The following AGAP1 variants were observed in gnomAD, a reference collection of about 807,000 sequenced individuals.
AGAP1 encodes arf-GAP with GTPase, ANK repeat and PH domain-containing protein 1.
Under a neutral mutation model 105.3 loss-of-function variants are expected in AGAP1, and 29 were observed. That is an observed-to-expected ratio of 0.28 (90% CI 0.21 to 0.38). The LOEUF (loss-of-function observed/expected upper bound fraction) is 0.38. Among genes scored for constraint, AGAP1 ranks in the 10% least tolerant of loss-of-function variants. The pLI is 1.00. For synonymous variants in AGAP1, 509 were observed against 485.9 expected (o/e 1.05, Z -0.63); for missense variants, 998 against 1,165.1 (o/e 0.86, Z 2.09).
In AGAP1 at chr2:235,553,591, G is replaced by A. The variant is rs1304893786; in HGVS notation, c.163+58742G>A. Among the ~76,000 whole-genome samples the A allele has an allele frequency of 3.3e-5, 5 of 152,022 alleles. No homozygotes were observed. Among genetic ancestry groups the A allele is most frequent in the Non-Finnish European group, 7.4e-5 (5 of 68,018 alleles). ...TCTGGCCTGTTGGCTCACATTTGGG[G>A]GTGTGGCATTTGTGCGTGAAGTGGA... On this transcript the variant is annotated intron_variant, in intron 1 of 17. Transcript: ENST00000304032. This position sits in a 1 kb window ranked among gnomAD's most constrained non-coding sequence, Gnocchi z 4.5.
At position 235,709,148 on chromosome 2, in the gene AGAP1, G is replaced by T. The variant is rs776633349; in HGVS notation, c.164-31G>T. Reference sequence around the variant, plus strand: ...TGACTTGGCCTTTACGTGAGTTATGGTGTCTGACTTTGTGTCCTCCTCTTT... The same window carrying T: ...TGACTTGGCCTTTACGTGAGTTATGTTGTCTGACTTTGTGTCCTCCTCTTT... On this transcript the variant is annotated intron_variant, in intron 1 of 17. Transcript: ENST00000304032. The T allele has an allele frequency of 3.1e-6, 5 of 1,612,030 alleles. No homozygotes were observed. In the Admixed American group the frequency reaches 6.7e-5, roughly 21 times the overall value.
chr2:235,670,774 C>A, intron 1 of AGAP1: 1 of 1,181,952 alleles, frequency 8.5e-7, no homozygotes, highest in Non-Finnish European at 1.2e-6. Context: ...CGCTCTCGGA[C>A]CTGGAGCGTT....
intron 1 of AGAP1, among the ~76,000 whole-genome samples, chr2:235,515,889 G>T (rs536203143): frequency 6.6e-6 from 1 of 152,154 alleles, no homozygotes; most frequent in Non-Finnish European, 1.5e-5. Flanking sequence ...GATATTTAAG[G>T]GGGTGAGGGG....
chr2:235,645,199 G>A (rs1191405480), intron 1 of AGAP1, among the ~76,000 whole-genome samples: 1 of 152,084 alleles, frequency 6.6e-6, no homozygotes, highest in African/African-American at 2.4e-5. Context: ...CCCGGCCAAG[G>A]TGTAAGAGTT....
intron 6 of AGAP1, among the ~76,000 whole-genome samples, chr2:235,779,929 G>A (rs1003121245): frequency 6.6e-5 from 10 of 152,198 alleles, no homozygotes; most frequent in African/African-American, 2.4e-5. Flanking sequence ...TGGAATGTAC[G>A]CTGCAAAGTT....
intron 1 of AGAP1, among the ~76,000 whole-genome samples, chr2:235,584,902 C>CTTTTTTTTTTTTTTTTTTTTTT: frequency 1.0e-5 from 1 of 98,536 alleles, no homozygotes; most frequent in Non-Finnish European, 1.8e-5. Flanking sequence ...AAGTCATTAC[C>CTTTTTTTTTTTTTTTTTTTTTT]TTTTTTTTTT....
At position 235,769,392 on chromosome 2, in the gene AGAP1, T is replaced by C. The variant is rs1955236377; in HGVS notation, c.673+18904T>C. ...AAGGTTTGCGTGGTCTTCACTCTTT[T>C]GCAGAAAATTGTTGGCATTGCATCA... On this transcript the variant is annotated intron_variant, in intron 6 of 17. Coordinates refer to ENST00000304032, the MANE Select transcript of AGAP1 (RefSeq NM_001037131.3). This position sits in a 1 kb window ranked among gnomAD's most constrained non-coding sequence, Gnocchi z 4.4. Among the ~76,000 whole-genome samples the C allele has an allele frequency of 6.6e-6, 1 of 152,240 alleles. No homozygotes were observed. The highest frequency in any genetic ancestry group is 2.4e-5 in the African/African-American group (1 of 41,470).
At chr2:235,859,713 T>C (rs912843332) in intron 9 of AGAP1, among the ~76,000 whole-genome samples, 1 of 152,176 alleles carries the variant, frequency 6.6e-6, no homozygotes, top group Non-Finnish European at 1.5e-5. Flanking sequence ...TTTCAACCTT[T>C]GAAGGAAAAA....
At chr2:235,686,288 C>T (rs751270347) in intron 1 of AGAP1, among the ~76,000 whole-genome samples, 6 of 151,874 alleles carry the variant, frequency 4.0e-5, no homozygotes, top group Non-Finnish European at 5.9e-5. Flanking sequence ...GTCAGATGGG[C>T]GATAGGAATG....
In AGAP1 at chr2:235,971,740, A is replaced by G. The variant is rs868749252; in HGVS notation, c.1645+3117A>G. Reference sequence around the variant, plus strand: ...AACTAAAGCTAGTTATATATGTTTTATTTTATTTATTTATTTATTTATTTA... The same window carrying G: ...AACTAAAGCTAGTTATATATGTTTTGTTTTATTTATTTATTTATTTATTTA... On this transcript the variant is annotated intron_variant, in intron 13 of 17. Transcript: ENST00000304032. This position sits in a 1 kb window ranked among gnomAD's most constrained non-coding sequence, Gnocchi z 4.8. Among the ~76,000 whole-genome samples the G allele has an allele frequency of 0.038, 5,218 of 136,142 alleles. 300 individuals are homozygous for G. The highest frequency in any genetic ancestry group is 0.16 in the African/African-American group (4,925 of 31,064). 89.3% of individuals were successfully genotyped at this position (136,142 alleles called of 152,430 possible).
At position 235,993,044 on chromosome 2, in the gene AGAP1, A is replaced by G. The variant is rs1012569051; in HGVS notation, c.1645+24421A>G. ...ACGTTACAAAAAACCAGTTTAAGACATGGACTTTTTTCATATGTACATCTG... is the reference window on the plus strand; with the variant it reads ...ACGTTACAAAAAACCAGTTTAAGACGTGGACTTTTTTCATATGTACATCTG... On this transcript the variant is annotated intron_variant, in intron 13 of 17. Transcript: ENST00000304032. This position sits in a 1 kb window ranked among gnomAD's most constrained non-coding sequence, Gnocchi z 5.0. Among the ~76,000 whole-genome samples, 5 of 152,220 alleles carry G rather than the reference A, an allele frequency of 3.3e-5. No individual in the cohort carries two copies. Among genetic ancestry groups the G allele is most frequent in the Admixed American group, 6.5e-5 (1 of 15,288 alleles).
intron 6 of AGAP1, among the ~76,000 whole-genome samples, chr2:235,785,329 A>G (rs1219723239): frequency 1.3e-5 from 2 of 152,380 alleles, no homozygotes; most frequent in East Asian, 3.9e-4. Flanking sequence ...ATCTAAAAAT[A>G]GGAAGCAAAT....
In AGAP1 at chr2:235,737,312, G is replaced by A. The variant is rs974815090; in HGVS notation, c.311-3651G>A. Reference sequence around the variant, plus strand: ...CATGCAAATCAATTACCAGTATCTGGTGTTTGAAATTGTAAGATGCTGAAA... The same window carrying A: ...CATGCAAATCAATTACCAGTATCTGATGTTTGAAATTGTAAGATGCTGAAA... On this transcript the variant is annotated intron_variant, in intron 3 of 17. Transcript: ENST00000304032. This position sits in a 1 kb window ranked among gnomAD's most constrained non-coding sequence, Gnocchi z 4.5. 1.3e-5 allele frequency among the ~76,000 whole-genome samples: 2 copies of A among 152,208 alleles called. No individual in the cohort carries two copies. The highest frequency in any genetic ancestry group is 2.9e-5 in the Non-Finnish European group (2 of 68,040).
At position 235,874,036 on chromosome 2, in the gene AGAP1, G is replaced by T. The variant is rs112618849; in HGVS notation, c.1051-9309G>T. ...GAGCCATCACGCCCAGCCCAGAACC[G>T]CATTCTGTTTTTTGTTTTGTTTTGT... is the stretch of plus-strand genomic sequence containing the variant. On this transcript the variant is annotated intron_variant, in intron 9 of 17. Coordinates refer to ENST00000304032, the MANE Select transcript of AGAP1 (RefSeq NM_001037131.3). The surrounding 1 kb of genome is among the most constrained non-coding windows in gnomAD (Gnocchi z 4.5). Among the ~76,000 whole-genome samples, 4 of 150,452 alleles carry T rather than the reference G, an allele frequency of 2.7e-5. No individual in the cohort carries two copies. The highest frequency in any genetic ancestry group is 4.9e-5 in the African/African-American group (2 of 40,948).
rs1559711440 is a variant in AGAP1 at position 235,971,751 on chromosome 2, TTA to T, written c.1645+3130_1645+3131del. ...GTTATATATGTTTTATTTTATTTATTTATTTATTTATTTATTTATTTATTTAT... is the reference window on the plus strand; with the variant it reads ...GTTATATATGTTTTATTTTATTTATTTTTATTTATTTATTTATTTATTTAT... On this transcript the variant is annotated intron_variant, in intron 13 of 17. Coordinates refer to ENST00000304032, the MANE Select transcript of AGAP1 (RefSeq NM_001037131.3). This position sits in a 1 kb window ranked among gnomAD's most constrained non-coding sequence, Gnocchi z 4.8. Among the ~76,000 whole-genome samples the T allele has an allele frequency of 6.9e-6, 1 of 144,730 alleles. No individual in the cohort carries two copies. The highest frequency in any genetic ancestry group is 2.5e-5 in the African/African-American group (1 of 39,592). 94.9% of individuals were successfully genotyped at this position (144,730 alleles called of 152,430 possible). A position where few individuals can be genotyped will look rare whatever the true frequency, so the allele number is the denominator to read the frequency against.
chr2:235,603,235 C>T lies in AGAP1; in HGVS notation c.164-105944C>T, dbSNP rs1041522291. On this transcript the variant is annotated intron_variant, in intron 1 of 17. Coordinates refer to ENST00000304032, the MANE Select transcript of AGAP1 (RefSeq NM_001037131.3). ...CGGCTCTCGTCTCTCTCTTGCCTGC[C>T]GCCATGTAAGATGTGCCTTTCACCT... is the stretch of plus-strand genomic sequence containing the variant. Among the ~76,000 whole-genome samples the T allele has an allele frequency of 4.1e-4, 59 of 145,032 alleles. 1 individual carries two copies. Among genetic ancestry groups the T allele is most frequent in the African/African-American group, 1.0e-3 (42 of 40,058 alleles).
Position 235,739,498 on chromosome 2 carries a change from A to G in AGAP1, c.311-1465A>G, listed in dbSNP as rs1404106644. 1.3e-5 allele frequency among the ~76,000 whole-genome samples: 2 copies of G among 152,346 alleles called. No individual in the cohort carries two copies. The highest frequency in any genetic ancestry group is 6.5e-5 in the Admixed American group (1 of 15,302). ...AGCCTGACCATTTCCAGTGGGCCCT[A>G]CCGTCTTGTTTCAGTGACTGGGGGG... On this transcript the variant is annotated intron_variant, in intron 3 of 17. Transcript: ENST00000304032. The surrounding 1 kb of genome is among the most constrained non-coding windows in gnomAD (Gnocchi z 5.3).
intron 1 of AGAP1, among the ~76,000 whole-genome samples, chr2:235,530,776 C>T (rs1036285469): frequency 6.6e-5 from 10 of 152,192 alleles, no homozygotes; most frequent in African/African-American, 1.9e-4. Flanking sequence ...TTAATCACAG[C>T]GACAGTGCCT....
Position 235,665,685 on chromosome 2 carries a change from A to G in AGAP1, c.164-43494A>G, listed in dbSNP as rs747676162. On this transcript the variant is annotated intron_variant, in intron 1 of 17. Transcript: ENST00000304032. This position sits in a 1 kb window ranked among gnomAD's most constrained non-coding sequence, Gnocchi z 5.3. Reference sequence around the variant, plus strand: ...CTGTCAGTCAACTGGCTACCAGAAAATAGCCTTTGATGTACCCACGGAGGG... The same window carrying G: ...CTGTCAGTCAACTGGCTACCAGAAAGTAGCCTTTGATGTACCCACGGAGGG... Among the ~76,000 whole-genome samples, 2 of 152,086 alleles carry G rather than the reference A, an allele frequency of 1.3e-5. No homozygotes were observed. Among genetic ancestry groups the G allele is most frequent in the Non-Finnish European group, 2.9e-5 (2 of 68,010 alleles).
Sources: gnomAD v4.1 joint callset for allele counts (sites outside exome capture counted in the v4.1 genomes callset) on GRCh38, gnomAD v4.1.1 for gene constraint, Gnocchi (gnomAD v3.1) non-coding constraint, MANE v1.5 for transcripts, NCBI Gene and HGNC (gene_info 2026-07-23, HGNC 2026-07-21) for gene names.